Variants in ITGB1BP1 observed in about 807,000 individuals in gnomAD.
ITGB1BP1 encodes the protein integrin beta-1-binding protein 1.
Under a neutral mutation model 28.0 loss-of-function variants are expected in ITGB1BP1, and 20 were observed. The observed-to-expected ratio is 0.71, with a 90% confidence interval of 0.50 to 1.04. The LOEUF (loss-of-function observed/expected upper bound fraction) is 1.04. ITGB1BP1 is among the 50% of genes least tolerant of loss of function. The pLI is 0.00. For synonymous variants in ITGB1BP1, 103 were observed against 89.5 expected (o/e 1.15, Z -0.85); for missense variants, 228 against 242.5 (o/e 0.94, Z 0.40).
chr2:9,411,028 C>G (rs1678300971), intron 4 of ITGB1BP1, among the ~76,000 whole-genome samples: 1 of 152,148 alleles, frequency 6.6e-6, no homozygotes, highest in Non-Finnish European at 1.5e-5. Flanking sequence ...ACTCCAGAAG[C>G]AATTTACTTT....
At position 9,414,237 on chromosome 2, in the gene ITGB1BP1, C is replaced by T; in HGVS notation, c.92G>A (p.Gly31Glu). ...CACAGTGCTGGATCGTGAAAGACCCCCAAGGCTAGAATCCACAGACTGAGA... is the reference window on the plus strand; with the variant it reads ...CACAGTGCTGGATCGTGAAAGACCCTCAAGGCTAGAATCCACAGACTGAGA... ...TKSKSVDSSL[G>E]GLSRSSTVAS... Residue 31 changes from glycine (G) to glutamate (E), a missense_variant, in exon 3 of 7, where the codon GGG (glycine) becomes GAG (glutamate). By Grantham distance (98) the Gly-to-Glu change is moderately conservative (BLOSUM62 -2). Transcript: ENST00000355346. 6.2e-7 allele frequency: 1 copy of T among 1,613,972 alleles called. No individual in the cohort carries two copies. The highest frequency in any genetic ancestry group is 8.5e-7 in the Non-Finnish European group (1 of 1,179,896).
chr2:9,420,128 C>G, intron 1 of ITGB1BP1: 19 of 744,362 alleles, frequency 2.6e-5, no homozygotes, highest in Non-Finnish European at 3.1e-5. Flanking sequence ...ACGAGCAACT[C>G]ACGCAGCAGT....
rs2148860319 is a variant in ITGB1BP1, at chr2:9,406,816, TCTA to T, written c.*15_*17del. 1 of 1,566,936 alleles carries T rather than the reference TCTA, an allele frequency of 6.4e-7. No homozygotes were observed. ...GCTGAACTTTCAGATGAAGTTGACT[TCTA>T]CTTGATTGCAGGATTCAGGGTTTCT... On this transcript the variant is annotated 3_prime_UTR_variant, in exon 7 of 7. Coordinates refer to ENST00000355346, the MANE Select transcript of ITGB1BP1 (RefSeq NM_004763.5).
Position 9,423,353 on chromosome 2 carries a change from G to C in ITGB1BP1, c.-36+20C>G. 8.3e-7 allele frequency: 1 copy of C among 1,198,956 alleles called. No homozygotes were observed. The highest frequency in any genetic ancestry group is 1.4e-5 in the South Asian group (1 of 70,294). 74.3% of individuals were successfully genotyped at this position (1,198,956 alleles called of 1,614,324 possible). A position where few individuals can be genotyped will look rare whatever the true frequency, so the allele number is the denominator to read the frequency against. ...CCTCCGCGAGCTCGGCCCCAAGCGG[G>C]ACGAGGGCTGGGCGCTCACCTCGCA... On this transcript the variant is annotated intron_variant, in intron 1 of 6. Coordinates refer to ENST00000355346, the MANE Select transcript of ITGB1BP1 (RefSeq NM_004763.5).
rs558218497 is a variant in ITGB1BP1, at chr2:9,407,761, C to G, written c.382-163G>C. On this transcript the variant is annotated intron_variant, in intron 5 of 6. Coordinates refer to ENST00000355346, the MANE Select transcript of ITGB1BP1 (RefSeq NM_004763.5). ...TCAGTCTCGGGCAATGCCTTCAGAT[C>G]CCAGCAAGCCAGGAGTGCAGTGATC... is the stretch of plus-strand genomic sequence containing the variant. 5.3e-5 allele frequency among the ~76,000 whole-genome samples: 8 copies of G among 152,266 alleles called. No individual in the cohort carries two copies. In the South Asian group the frequency reaches 1.7e-3, roughly 32 times the overall value.
rs551841498 is a variant in ITGB1BP1, at chr2:9,415,614, C to T, written c.73-1358G>A. On this transcript the variant is annotated intron_variant, in intron 2 of 6. Transcript: ENST00000355346. The surrounding 1 kb of genome is among the most constrained non-coding windows in gnomAD (Gnocchi z 4.1). Reference sequence around the variant, plus strand: ...AAATAAAACAAGACATTGGGCCACACAGATGAGATTTCCCTGTAGGGTCCC... The same window carrying T: ...AAATAAAACAAGACATTGGGCCACATAGATGAGATTTCCCTGTAGGGTCCC... 6.6e-6 allele frequency among the ~76,000 whole-genome samples: 1 copy of T among 152,258 alleles called. No individual in the cohort carries two copies. The highest frequency in any genetic ancestry group is 2.4e-5 in the African/African-American group (1 of 41,548).
intron 4 of ITGB1BP1, 111 bp downstream of exon 4, chr2:9,412,158 G>C: frequency 1.1e-6 from 1 of 872,004 alleles, no homozygotes; most frequent in Non-Finnish European, 1.8e-6. Context: ...TCAGTCGAGA[G>C]CAAGCGGAGC....
chr2:9,406,940 T>C (rs1452168765), intron 6 of ITGB1BP1, 35 bp from the exon 7 acceptor site: 4 of 1,489,486 alleles, frequency 2.7e-6, no homozygotes, highest in Non-Finnish European at 3.8e-6. Context: ...AGAGCAACAT[T>C]CATCTGTCTC....
intron 6 of ITGB1BP1, 150 bp from the exon 7 acceptor site, chr2:9,407,055 T>C (rs907100432): frequency 1.5e-5 from 10 of 658,564 alleles, no homozygotes; most frequent in Non-Finnish European, 2.5e-5. Context: ...GAACCCATAC[T>C]ATGAGCTTCC....
chr2:9,413,087 A>G (rs1278544365), intron 3 of ITGB1BP1, among the ~76,000 whole-genome samples: 3 of 152,218 alleles, frequency 2.0e-5, no homozygotes, highest in Non-Finnish European at 4.4e-5. Flanking sequence ...CCTCAACCAT[A>G]TTAAGGAAAT....
chr2:9,417,109 A>AC lies in ITGB1BP1; in HGVS notation c.72+1516dup, dbSNP rs569393123. On this transcript the variant is annotated intron_variant, in intron 2 of 6. Transcript: ENST00000355346. ...TTCCCTGCTCACAGTGGCCAAAGTG[A>AC]CCCCCAACAAAACTTATATAATATT... 2.8e-3 allele frequency among the ~76,000 whole-genome samples: 431 copies of AC among 151,686 alleles called. 2 individuals carry two copies. Among genetic ancestry groups the AC allele is most frequent in the African/African-American group, 9.5e-3 (393 of 41,322 alleles).
rs1678942359 is a variant in ITGB1BP1, at chr2:9,415,025, C to T, written c.73-769G>A. Among the ~76,000 whole-genome samples the T allele has an allele frequency of 6.6e-6, 1 of 152,184 alleles. No homozygotes were observed. Among genetic ancestry groups the T allele is most frequent in the South Asian group, 2.1e-4 (1 of 4,816 alleles). On this transcript the variant is annotated intron_variant, in intron 2 of 6. Transcript: ENST00000355346. The surrounding 1 kb of genome is among the most constrained non-coding windows in gnomAD (Gnocchi z 4.1). ...TTGGGAGGCTGAGGCGGGTGGATCA[C>T]CTGAGGACAGGAGTTCGAAACCAGC...
chr2:9,421,704 A>AG (rs1679879291), intron 1 of ITGB1BP1, among the ~76,000 whole-genome samples: 1 of 151,724 alleles, frequency 6.6e-6, no homozygotes, highest in Non-Finnish European at 1.5e-5. Context: ...AAAAAAAAAA[A>AG]TTATTCATGC....
chr2:9,420,369 G>C (rs1247783877), intron 1 of ITGB1BP1: 1 of 152,214 alleles, frequency 6.6e-6, no homozygotes, highest in African/African-American at 2.4e-5. Flanking sequence ...CACCTACCAG[G>C]TGTCGGGGAT....
chr2:9,412,115 C>G (rs1438809247), intron 4 of ITGB1BP1, 154 bp downstream of exon 4: 8 of 651,954 alleles, frequency 1.2e-5, no homozygotes, highest in South Asian at 5.2e-5. Flanking sequence ...CAGCTCAGCG[C>G]TCACGCACAT....
intron 5 of ITGB1BP1, chr2:9,407,874 G>A (rs951758434): frequency 1.0e-4 from 58 of 562,540 alleles, no homozygotes; most frequent in Middle Eastern, 9.4e-4. Flanking sequence ...AAATGCATTC[G>A]GAGCCATCTG....
At position 9,406,838 on chromosome 2, in the gene ITGB1BP1, G is replaced by A; in HGVS notation, c.599C>T (p.Pro200Leu). 3.1e-6 allele frequency: 5 copies of A among 1,608,332 alleles called. No homozygotes were observed. The highest frequency in any genetic ancestry group is 3.4e-6 in the Non-Finnish European group (4 of 1,174,790). The change falls in exon 7 of 7, where the codon CCC becomes CTC. Residue 200 changes from proline (P) to leucine (L), a missense_variant. Around this residue, in one of 2 missense-constraint regions of ITGB1BP1, gnomAD observed 192 missense variants for 181.6 expected, o/e 1.06. Transcript: ENST00000355346. ...AFDSVLTSEK[P>L] is the part of the protein sequence containing the mutation. ...ACTTCTACTTGATTGCAGGATTCAGGGTTTCTCAGATGTTAATACAGAGTC... is the reference window on the plus strand; with the variant it reads ...ACTTCTACTTGATTGCAGGATTCAGAGTTTCTCAGATGTTAATACAGAGTC...
In ITGB1BP1 at chr2:9,405,197, T is replaced by G. The variant is rs1677114019; in HGVS notation, c.*1637A>C. ...CAATTTGGTGCTATTGTGCAGTAAC[T>G]AATAGTACTCTTACCAGAGGAGAAA... On this transcript the variant is annotated 3_prime_UTR_variant, in exon 7 of 7. Coordinates refer to ENST00000355346, the MANE Select transcript of ITGB1BP1 (RefSeq NM_004763.5). 6.6e-6 allele frequency: 1 copy of G among 152,256 alleles called. No homozygotes were observed. The highest frequency in any genetic ancestry group is 2.1e-4 in the South Asian group (1 of 4,836). The allele number at this position is 152,256 out of a possible 1,614,324, so 9.4% of individuals were successfully genotyped here.
rs200781388 is a variant in ITGB1BP1 at position 9,421,686 on chromosome 2, CAA to C, written c.-36+1685_-36+1686del. Among the ~76,000 whole-genome samples, 418 of 78,698 alleles carry C rather than the reference CAA, an allele frequency of 5.3e-3. 1 individual carries two copies. The highest frequency in any genetic ancestry group is 0.015 in the African/African-American group (359 of 23,418). The allele number at this position is 78,698 out of a possible 152,430, so 51.6% of individuals were successfully genotyped here. On this transcript the variant is annotated intron_variant, in intron 1 of 6. Transcript: ENST00000355346. ...TGGACGAAAGAGCGAGACTCCGTCT[CAA>C]AAAAAAAAAAAAAAAATTATTCATG...
Sources: allele counts gnomAD v4.1 joint callset (sites outside exome capture counted in the v4.1 genomes callset), GRCh38; gene constraint gnomAD v4.1.1; regional missense constraint gnomAD v4.1.1; non-coding constraint Gnocchi (gnomAD v3.1); transcripts MANE v1.5; gene names NCBI Gene and HGNC (gene_info 2026-07-23, HGNC 2026-07-21).